TRIM33: variants seen among roughly 807,000 people sequenced by gnomAD.
TRIM33 encodes E3 ubiquitin-protein ligase TRIM33.
A neutral mutation model predicts 125.4 loss-of-function variants in TRIM33; 20 were observed. That is an observed-to-expected ratio of 0.16 (90% CI 0.11 to 0.23). The LOEUF is 0.23. Ranked by LOEUF, TRIM33 falls within the 10% of genes least tolerant of loss-of-function variation. TRIM33 has a pLI of 1.00. For synonymous variants in TRIM33, 564 were observed against 513.9 expected (o/e 1.10, Z -1.32); for missense variants, 920 against 1,411.4 (o/e 0.65, Z 5.58).
intron 4 of TRIM33, chr1:114,460,154 GA>G: frequency 5.6e-6 from 1 of 178,678 alleles, no homozygotes; most frequent in Non-Finnish European, 1.2e-5. Flanking sequence ...GTCGAAGTTT[GA>G]AATATATCAT....
At chr1:114,455,314 C>T (rs1007099655) in intron 4 of TRIM33, among the ~76,000 whole-genome samples, 8 of 152,176 alleles carry the variant, frequency 5.3e-5, no homozygotes, top group African/African-American at 1.9e-4. Context: ...GCAAGCTACA[C>T]TGGACTGACA....
chr1:114,438,362 T>G (rs1463798824), intron 4 of TRIM33, among the ~76,000 whole-genome samples: 1 of 152,240 alleles, frequency 6.6e-6, no homozygotes, highest in East Asian at 1.9e-4. Context: ...ATTTCAAACA[T>G]GTATTAGAAG....
intron 4 of TRIM33, among the ~76,000 whole-genome samples, chr1:114,460,711 C>T (rs531012005): frequency 6.8e-4 from 103 of 151,766 alleles, no homozygotes; most frequent in African/African-American, 2.3e-3. Flanking sequence ...CCTTCTCCAG[C>T]CTTACTAGGA....
intron 1 of TRIM33, among the ~76,000 whole-genome samples, chr1:114,506,654 T>TA (rs1377166009): frequency 6.6e-6 from 1 of 152,266 alleles, no homozygotes; most frequent in Non-Finnish European, 1.5e-5. Flanking sequence ...TTTTTATTGA[T>TA]AAAGTATAAA....
intron 1 of TRIM33, among the ~76,000 whole-genome samples, chr1:114,483,743 G>A (rs1196958762): frequency 6.6e-6 from 1 of 151,972 alleles, no homozygotes; most frequent in Non-Finnish European, 1.5e-5. Flanking sequence ...TTCTCTCAAG[G>A]AAGAAATAAT....
intron 4 of TRIM33, among the ~76,000 whole-genome samples, chr1:114,442,550 T>TG (rs1648714589): frequency 6.6e-6 from 1 of 151,080 alleles, no homozygotes; most frequent in South Asian, 2.1e-4. Context: ...TAGCCGAACG[T>TG]GGTGGTGGGC....
chr1:114,431,771 C>G (rs1289018468), intron 5 of TRIM33, among the ~76,000 whole-genome samples: 2 of 152,118 alleles, frequency 1.3e-5, no homozygotes, highest in African/African-American at 4.8e-5. Flanking sequence ...TTTTCCTTCT[C>G]TGTACATCGT....
rs1055101824 is a variant in TRIM33 at position 114,394,247 on chromosome 1, A to G, written c.*3401T>C. 4.4e-6 allele frequency: 1 copy of G among 229,486 alleles called. No individual in the cohort carries two copies. Among genetic ancestry groups the G allele is most frequent in the Non-Finnish European group, 8.7e-6 (1 of 115,358 alleles). 14.2% of individuals were successfully genotyped at this position (229,486 alleles called of 1,614,324 possible). On this transcript the variant is annotated 3_prime_UTR_variant, in exon 20 of 20. Coordinates refer to ENST00000358465, the MANE Select transcript of TRIM33 (RefSeq NM_015906.4). ...GATTTTGACAAGAAATGAGATTTTT[A>G]TATTTCACATGTTGTACATGAATGG...
chr1:114,432,278 T>C (rs1016705229), intron 5 of TRIM33, among the ~76,000 whole-genome samples: 18 of 152,140 alleles, frequency 1.2e-4, no homozygotes, highest in Admixed American at 7.9e-4. Flanking sequence ...TATAAAAATA[T>C]GGGACTGCCA....
At chr1:114,481,329 C>T (rs1040802680) in intron 1 of TRIM33, among the ~76,000 whole-genome samples, 1 of 152,132 alleles carries the variant, frequency 6.6e-6, no homozygotes, top group African/African-American at 2.4e-5. Context: ...TGTGGTGGCT[C>T]ACGCCTGTAA....
At chr1:114,468,831 C>T (rs1650466011) in intron 1 of TRIM33, 2 of 282,094 alleles carry the variant, frequency 7.1e-6, no homozygotes, top group Admixed American at 9.8e-5. Flanking sequence ...CTCAAATACA[C>T]ATAAGGAGCT....
rs374427161 is a variant in TRIM33 at position 114,491,969 on chromosome 1, T to C, written c.526+18582A>G. Among the ~76,000 whole-genome samples the C allele has an allele frequency of 2.0e-4, 31 of 152,308 alleles. 1 individual carries two copies. Among genetic ancestry groups the C allele is most frequent in the Middle Eastern group, 3.4e-3 (1 of 294 alleles). Reference sequence around the variant, plus strand: ...ACACTACGGGGCACTTCAGCTTTATTACATTTAGGGCCATTTGAAGCAGTG... The same window carrying C: ...ACACTACGGGGCACTTCAGCTTTATCACATTTAGGGCCATTTGAAGCAGTG... On this transcript the variant is annotated intron_variant, in intron 1 of 19. Coordinates refer to ENST00000358465, the MANE Select transcript of TRIM33 (RefSeq NM_015906.4).
intron 4 of TRIM33, among the ~76,000 whole-genome samples, chr1:114,449,785 C>T (rs527737791): frequency 6.6e-6 from 1 of 152,268 alleles, no homozygotes; most frequent in African/African-American, 2.4e-5. Flanking sequence ...CTACCACATG[C>T]CAAACTTGTC....
Position 114,446,118 on chromosome 1 carries a change from AG to A in TRIM33, c.924-12386del, listed in dbSNP as rs1477018591. On this transcript the variant is annotated intron_variant, in intron 4 of 19. Coordinates refer to ENST00000358465, the MANE Select transcript of TRIM33 (RefSeq NM_015906.4). ...CAATCCACCTGCCTCAGCTTCCCAA[AG>A]TGCTGGGATTACAGGAGTGAGCCAC... Among the ~76,000 whole-genome samples, 4 of 152,192 alleles carry A rather than the reference AG, an allele frequency of 2.6e-5. No individual in the cohort carries two copies. The South Asian group carries it at 6.2e-4, about 24-fold the overall frequency.
rs1218366257 is a variant in TRIM33 at position 114,406,986 on chromosome 1, A to G, written c.2373T>C (p.Gly791=). The G allele has an allele frequency of 1.9e-6, 3 of 1,613,922 alleles. No individual in the cohort carries two copies. The highest frequency in any genetic ancestry group is 2.5e-6 in the Non-Finnish European group (3 of 1,179,916). ...TEDEICSFSG[G]VKQEKTEDGR... is the part of the protein sequence containing the mutation. The stretch of plus-strand genomic sequence containing the variant: ...CATCCTCTGTTTTTTCTTGTTTTAC[A>G]CCTCCTGAAAAGCTACATATTTCAT... The change falls in exon 14 of 20, where the codon GGT becomes GGC. Residue 791 remains glycine (G), a synonymous_variant. Transcript: ENST00000358465.
At chr1:114,481,669 A>ATG (rs973020668) in intron 1 of TRIM33, among the ~76,000 whole-genome samples, 1 of 123,020 alleles carries the variant, frequency 8.1e-6, no homozygotes, top group African/African-American at 3.3e-5. Flanking sequence ...GTGTATATAT[A>ATG]TGTGTGTATA....
At chr1:114,429,550 T>G (rs987833180) in intron 6 of TRIM33, among the ~76,000 whole-genome samples, 1 of 151,570 alleles carries the variant, frequency 6.6e-6, no homozygotes. Context: ...CATTCAGAGA[T>G]AACATTCTAC....
chr1:114,399,704 T>A lies in TRIM33; in HGVS notation c.2968-95A>T, dbSNP rs1651756645. 14 of 1,103,818 alleles carry A rather than the reference T, an allele frequency of 1.3e-5. No individual in the cohort carries two copies. In the South Asian group the frequency reaches 1.9e-4, roughly 15 times the overall value. 68.4% of individuals were successfully genotyped at this position (1,103,818 alleles called of 1,614,324 possible). A position where few individuals can be genotyped will look rare whatever the true frequency, so the allele number is the denominator to read the frequency against. On this transcript the variant is annotated intron_variant, in intron 17 of 19. Transcript: ENST00000358465. The stretch of plus-strand genomic sequence containing the variant: ...AGCATATTAATTTTAGGGAAAAAAA[T>A]TATTATAGAGCCAGCTGCTTGCAAA...
chr1:114,456,966 T>A (rs1003835799), intron 4 of TRIM33, among the ~76,000 whole-genome samples: 8 of 152,102 alleles, frequency 5.3e-5, no homozygotes, highest in Non-Finnish European at 1.0e-4. Flanking sequence ...AGTAGAAGCA[T>A]CCTGTGATAC....
Sources: gnomAD v4.1 joint callset for allele counts (sites outside exome capture counted in the v4.1 genomes callset) on GRCh38, gnomAD v4.1.1 for gene constraint, MANE v1.5 for transcripts, NCBI Gene and HGNC (gene_info 2026-07-23, HGNC 2026-07-21) for gene names.